ZNF728: variants seen among roughly 807,000 people sequenced by gnomAD.
ZNF728 encodes zinc finger protein 728.
In ZNF728, 12 loss-of-function variants were observed where a neutral mutation model predicts 12.5. The ratio of observed to expected loss-of-function variants is 0.96; its 90% CI spans 0.61 to 1.55. The LOEUF is 1.55. Ranked by LOEUF, ZNF728 falls within the 40% of genes most tolerant of loss-of-function variation. ZNF728 has a pLI of 0.00. For missense variants in ZNF728, 692 were observed against 719.2 expected (o/e 0.96, Z 0.43); for synonymous variants, 205 against 240.7 (o/e 0.85, Z 1.37).
intron 1 of ZNF728, among the ~76,000 whole-genome samples, chr19:23,001,303 A>G (rs1406695356): frequency 6.6e-6 from 1 of 152,204 alleles, no homozygotes; most frequent in Non-Finnish European, 1.5e-5. Flanking sequence ...TGGGTTGGGT[A>G]AAGACAATAT....
rs1968780112 is a variant in ZNF728, at chr19:22,975,229, G to A, written c.*239C>T. Among the ~76,000 whole-genome samples the A allele has an allele frequency of 6.6e-6, 1 of 152,088 alleles. No homozygotes were observed. The highest frequency in any genetic ancestry group is 6.6e-5 in the Admixed American group (1 of 15,262). ...TTCCCACATTCTTCACACGTGTATG[G>A]TTTCTCTCCAGTATGAGTTGTCTTG... On this transcript the variant is annotated 3_prime_UTR_variant, in exon 4 of 4. Transcript: ENST00000594710.
chr19:22,987,939 A>T (rs141351327), intron 2 of ZNF728, among the ~76,000 whole-genome samples: 266 of 152,328 alleles, frequency 1.7e-3, no homozygotes, highest in African/African-American at 5.8e-3. Context: ...TGAATGCAGA[A>T]TGTGGGCGAA....
chr19:22,978,198 G>C (rs1968825915), intron 3 of ZNF728, among the ~76,000 whole-genome samples: 1 of 151,632 alleles, frequency 6.6e-6, no homozygotes, highest in Non-Finnish European at 1.5e-5. Flanking sequence ...CTTAGGAGCT[G>C]CAAGATAAAA....
At chr19:23,002,513 ACT>A (rs1197429390) in intron 1 of ZNF728, among the ~76,000 whole-genome samples, 1 of 151,990 alleles carries the variant, frequency 6.6e-6, no homozygotes, top group Non-Finnish European at 1.5e-5. Flanking sequence ...ACCTTATAAA[ACT>A]CTTCCGTCAA....
chr19:22,988,318 T>G lies in ZNF728; in HGVS notation c.130+7A>C. The G allele has an allele frequency of 6.2e-7, 1 of 1,614,128 alleles. No individual in the cohort carries two copies. Among genetic ancestry groups the G allele is most frequent in the Non-Finnish European group, 8.5e-7 (1 of 1,180,000 alleles). ...TACTAGGAATTGCGTATTAAAGTTA[T>G]TCTCACCCAGGAAGACCAGGTTTCT... On this transcript the variant is annotated splice_region_variant and intron_variant, in intron 2 of 3. Transcript: ENST00000594710.
At position 22,976,253 on chromosome 19, in the gene ZNF728, G is replaced by A. The variant is rs766194474; in HGVS notation, c.1084C>T (p.His362Tyr). ...CATTTGTAGGGTTTCTCTCCAGTAT[G>A]AATTACCTTATGTTTAGTAAGGGTT... is the stretch of plus-strand genomic sequence containing the variant. ...FSTLTKHKVI[H>Y]TGEKPYKCEE... The change falls in exon 4 of 4, where the codon CAT (histidine) becomes TAT (tyrosine). Residue 362 changes from histidine to tyrosine, a missense_variant. By Grantham distance (83) the His-to-Tyr change is moderately conservative. Around this residue, in one of 3 missense-constraint regions of ZNF728, gnomAD observed 440 missense variants for 459.6 expected, o/e 0.96. Coordinates refer to ENST00000594710, the MANE Select transcript of ZNF728 (RefSeq NM_001267716.2). 2 of 1,613,258 alleles carry A rather than the reference G, an allele frequency of 1.2e-6. No homozygotes were observed. Among genetic ancestry groups the A allele is most frequent in the South Asian group, 2.2e-5 (2 of 91,050 alleles).
rs200709503 is a variant in ZNF728, at chr19:22,999,653, ATAAGAAAATTT to A, written c.3+3364_3+3374del. The stretch of plus-strand genomic sequence containing the variant: ...ATCCAGCAAAATGATTCAAAAACAT[ATAAGAAAATTT>A]TAAGGTGCTTACATTTTGTACCTCA... On this transcript the variant is annotated intron_variant, in intron 1 of 3. Transcript: ENST00000594710. Among the ~76,000 whole-genome samples, 41 of 152,368 alleles carry A rather than the reference ATAAGAAAATTT, an allele frequency of 2.7e-4. No homozygotes were observed. In the East Asian group the frequency reaches 7.3e-3, roughly 27 times the overall value.
intron 3 of ZNF728, among the ~76,000 whole-genome samples, chr19:22,978,636 GT>G (rs1384560950): frequency 6.6e-6 from 1 of 152,186 alleles, no homozygotes; most frequent in East Asian, 1.9e-4. Context: ...CGGGTGGCCT[GT>G]GGGACGAAGC....
chr19:22,986,571 A>C (rs766283016), intron 3 of ZNF728, among the ~76,000 whole-genome samples: 2 of 152,336 alleles, frequency 1.3e-5, no homozygotes, highest in South Asian at 2.1e-4. Flanking sequence ...TTTCAAGTGA[A>C]AGATTTATCA....
Position 22,987,395 on chromosome 19 carries a change from C to T in ZNF728, c.139G>A (p.Ala47Thr), listed in dbSNP as rs1336283764. 2.5e-6 allele frequency: 4 copies of T among 1,597,946 alleles called. No individual in the cohort carries two copies. The South Asian group carries it at 3.4e-5, about 14-fold the overall frequency. The change falls in exon 3 of 4, where the codon GCC becomes ACC. Residue 47 changes from alanine (A) to threonine (T), a missense_variant. Ala to Thr is a moderately conservative substitution (Grantham distance 58). Around this residue, in one of 3 missense-constraint regions of ZNF728, gnomAD observed 440 missense variants for 459.6 expected, o/e 0.96. Transcript: ENST00000594710. ...YRNLVFLGIA[A>T]PKPDLIIFLE... ...AAAATGATCAGGTCTGGCTTAGGGG[C>T]AGCAATACCTGTTTTATTAAAAATG...
chr19:22,976,851 T>C lies in ZNF728; in HGVS notation c.486A>G (p.Arg162=), dbSNP rs760144391. The change falls in exon 4 of 4, where the codon AGA becomes AGG. Residue 162 remains arginine (R), a synonymous_variant. Transcript: ENST00000594710. ...TCTTTCCAGTATGCCTTATCTTATGTCTTTTTGAATTTGAACATTTATGAA... is the reference window on the plus strand; with the variant it reads ...TCTTTCCAGTATGCCTTATCTTATGCCTTTTTGAATTTGAACATTTATGAA... ...NIFHKCSNSK[R]HKIRHTGKKL... is the part of the protein sequence containing the mutation. 25 of 1,613,116 alleles carry C rather than the reference T, an allele frequency of 1.5e-5. No individual in the cohort carries two copies. In the South Asian group the frequency reaches 2.3e-4, roughly 15 times the overall value.
chr19:22,986,817 A>G (rs1968921849), intron 3 of ZNF728, among the ~76,000 whole-genome samples: 1 of 152,116 alleles, frequency 6.6e-6, no homozygotes, highest in Admixed American at 6.6e-5. Context: ...GCAGGACAAC[A>G]TACTTTATAA....
At chr19:22,982,471 A>G (rs1002870736) in intron 3 of ZNF728, among the ~76,000 whole-genome samples, 8 of 152,242 alleles carry the variant, frequency 5.3e-5, no homozygotes, top group Admixed American at 3.9e-4. Context: ...ACACTATTCC[A>G]TCAAGCTACC....
intron 3 of ZNF728, among the ~76,000 whole-genome samples, chr19:22,979,132 T>C (rs984626792): frequency 2.6e-5 from 4 of 152,096 alleles, no homozygotes; most frequent in Non-Finnish European, 2.9e-5. Flanking sequence ...GTTAGACGAA[T>C]TGCTAACAGG....
intron 1 of ZNF728, among the ~76,000 whole-genome samples, chr19:22,989,797 TTTTTAGAA>T (rs1422792115): frequency 6.6e-6 from 1 of 152,198 alleles, no homozygotes; most frequent in African/African-American, 2.4e-5. Flanking sequence ...CCTATAAATT[TTTTTAGAA>T]TTTCCTGGGT....
intron 1 of ZNF728, among the ~76,000 whole-genome samples, chr19:22,989,432 A>C (rs1339260818): frequency 6.6e-6 from 1 of 152,212 alleles, no homozygotes; most frequent in Non-Finnish European, 1.5e-5. Context: ...CTAAGAAAGA[A>C]GGGCAGCTGC....
Position 22,989,186 on chromosome 19 carries a change from T to C in ZNF728, c.4-735A>G, listed in dbSNP as rs549555452. Among the ~76,000 whole-genome samples, 3 of 151,336 alleles carry C rather than the reference T, an allele frequency of 2.0e-5. No individual in the cohort carries two copies. In the South Asian group the frequency reaches 6.2e-4, roughly 32 times the overall value. Reference sequence around the variant, plus strand: ...ATCACTCAAATTTTAATGTGTACAATAAGCTGGAGATCCCATTAATGCAGA... The same window carrying C: ...ATCACTCAAATTTTAATGTGTACAACAAGCTGGAGATCCCATTAATGCAGA... On this transcript the variant is annotated intron_variant, in intron 1 of 3. Coordinates refer to ENST00000594710, the MANE Select transcript of ZNF728 (RefSeq NM_001267716.2).
chr19:22,985,845 C>T (rs1968911115), intron 3 of ZNF728: 1 of 152,922 alleles, frequency 6.5e-6, no homozygotes. Context: ...TGTAGAAATC[C>T]ACAGTGACCT....
At chr19:22,979,637 A>G (rs1244072362) in intron 3 of ZNF728, among the ~76,000 whole-genome samples, 1 of 152,116 alleles carries the variant, frequency 6.6e-6, no homozygotes, top group Non-Finnish European at 1.5e-5. Context: ...ACCCAAATGG[A>G]AGCCCATCAG....
Sources: allele counts gnomAD v4.1 joint callset (sites outside exome capture counted in the v4.1 genomes callset), GRCh38; gene constraint gnomAD v4.1.1; regional missense constraint gnomAD v4.1.1; transcripts MANE v1.5; gene names NCBI Gene and HGNC (gene_info 2026-07-23, HGNC 2026-07-21).